Variants in PKIB observed in about 807,000 individuals in gnomAD.
The protein encoded by PKIB is cAMP-dependent protein kinase inhibitor beta.
In PKIB, 2 loss-of-function variants were observed where a neutral mutation model predicts 4.5. That is an observed-to-expected ratio of 0.44 (90% CI 0.18 to 1.39). PKIB has a LOEUF of 1.39. Among genes scored for constraint, PKIB ranks in the 40% most tolerant of loss-of-function variants. PKIB has a pLI of 0.27. For missense variants in PKIB, 94 were observed against 92.6 expected, an observed-to-expected ratio of 1.02 and a Z score of -0.06; for synonymous variants, 38 against 36.0, an observed-to-expected ratio of 1.06 and a Z score of -0.20.
chr6:122,483,545 T>G (rs1417237702), intron 2 of PKIB: 1 of 152,206 alleles, frequency 6.6e-6, no homozygotes, highest in Non-Finnish European at 1.5e-5. Flanking sequence ...CAAAAGTTTA[T>G]TAACATATGC....
intron 2 of PKIB, among the ~76,000 whole-genome samples, chr6:122,667,203 A>G (rs187317472): frequency 6.6e-6 from 1 of 152,232 alleles, no homozygotes; most frequent in East Asian, 1.9e-4. Flanking sequence ...TTTTATAATT[A>G]ACATCAAAAT....
At chr6:122,588,175 TA>T (rs1773908658) in intron 3 of PKIB, among the ~76,000 whole-genome samples, 1 of 152,210 alleles carries the variant, frequency 6.6e-6, no homozygotes, top group South Asian at 2.1e-4. Context: ...TTTAAGTCTT[TA>T]ATCCATCTTG....
intron 2 of PKIB, among the ~76,000 whole-genome samples, chr6:122,639,774 G>T (rs1776056448): frequency 6.6e-6 from 1 of 152,178 alleles, no homozygotes; most frequent in Non-Finnish European, 1.5e-5. Context: ...GCTTAATCAA[G>T]GGAAAGGCTT....
chr6:122,531,128 T>C (rs1777242979), intron 2 of PKIB: 1 of 152,192 alleles, frequency 6.6e-6, no homozygotes, highest in African/African-American at 2.4e-5. Flanking sequence ...AGGCTGAACA[T>C]TGTAAGGGAG....
chr6:122,707,617 T>C (rs1323883208), intron 3 of PKIB, among the ~76,000 whole-genome samples: 1 of 152,172 alleles, frequency 6.6e-6, no homozygotes, highest in African/African-American at 2.4e-5. Flanking sequence ...ATATTTTACA[T>C]AGTTGGTATA....
chr6:122,576,710 A>ATATATATG (rs59569106), intron 2 of PKIB, among the ~76,000 whole-genome samples: 1 of 110,034 alleles, frequency 9.1e-6, no homozygotes, highest in South Asian at 2.7e-4. Flanking sequence ...ATATATATAT[A>ATATATATG]TTTTCTTTTG....
At chr6:122,624,739 G>A (rs1463723763) in intron 1 of PKIB, among the ~76,000 whole-genome samples, 1 of 152,150 alleles carries the variant, frequency 6.6e-6, no homozygotes, top group South Asian at 2.1e-4. Flanking sequence ...AGCTGAATTT[G>A]AATCCCAGCT....
chr6:122,691,444 C>T (rs1407548164), intron 3 of PKIB, among the ~76,000 whole-genome samples: 2 of 152,050 alleles, frequency 1.3e-5, no homozygotes, highest in Non-Finnish European at 2.9e-5. Context: ...CTAATTCTTT[C>T]TCTGCTGTAT....
At chr6:122,576,978 T>G (rs1330927828) in intron 2 of PKIB, among the ~76,000 whole-genome samples, 1 of 152,030 alleles carries the variant, frequency 6.6e-6, no homozygotes, top group Non-Finnish European at 1.5e-5. Flanking sequence ...TCTCTAGCAT[T>G]CATACATTTC....
At chr6:122,615,623 A>G (rs1774949854) in intron 1 of PKIB, among the ~76,000 whole-genome samples, 1 of 152,156 alleles carries the variant, frequency 6.6e-6, no homozygotes, top group Non-Finnish European at 1.5e-5. Context: ...TAGGATCACT[A>G]CATATGCAAT....
At chr6:122,674,574 C>T (rs1777596032) in intron 2 of PKIB, among the ~76,000 whole-genome samples, 1 of 152,088 alleles carries the variant, frequency 6.6e-6, no homozygotes. Flanking sequence ...GGTTCGATTC[C>T]TTTGACATGA....
At chr6:122,498,940 T>C (rs539745476) in intron 2 of PKIB, among the ~76,000 whole-genome samples, 18 of 152,284 alleles carry the variant, frequency 1.2e-4, no homozygotes, top group African/African-American at 4.3e-4. Flanking sequence ...AACACCTCTA[T>C]GTATACAAAT....
chr6:122,487,997 C>T (rs1775818484), intron 2 of PKIB, among the ~76,000 whole-genome samples: 1 of 152,058 alleles, frequency 6.6e-6, no homozygotes, highest in Non-Finnish European at 1.5e-5. Flanking sequence ...GTTTCTGTTT[C>T]TCTCTTTAGT....
chr6:122,711,133 GCA>G (rs35051624), intron 3 of PKIB, among the ~76,000 whole-genome samples: 4 of 151,526 alleles, frequency 2.6e-5, no homozygotes, highest in African/African-American at 4.9e-5. Flanking sequence ...AATATACATA[GCA>G]CACACACACA....
At chr6:122,626,936 T>G (rs1775469922) in intron 1 of PKIB, among the ~76,000 whole-genome samples, 1 of 152,154 alleles carries the variant, frequency 6.6e-6, no homozygotes, top group South Asian at 2.1e-4. Context: ...TTCTAAACTC[T>G]GAGTAACAAT....
At chr6:122,681,388 CT>C (rs1490380058) in intron 3 of PKIB, among the ~76,000 whole-genome samples, 1 of 152,088 alleles carries the variant, frequency 6.6e-6, no homozygotes, top group Non-Finnish European at 1.5e-5. Flanking sequence ...TGGTAAATTA[CT>C]TTTTAGAATT....
At chr6:122,603,246 G>A (rs1025305950) in intron 3 of PKIB, among the ~76,000 whole-genome samples, 16 of 151,994 alleles carry the variant, frequency 1.1e-4, no homozygotes, top group African/African-American at 3.9e-4. Context: ...TATCTAATAC[G>A]AATAACATAA....
At chr6:122,603,319 T>C (rs997912146) in intron 3 of PKIB, among the ~76,000 whole-genome samples, 1 of 152,170 alleles carries the variant, frequency 6.6e-6, no homozygotes, top group African/African-American at 2.4e-5. Flanking sequence ...TTTAATAAGA[T>C]AAGGCATGAG....
intron 2 of PKIB, among the ~76,000 whole-genome samples, chr6:122,653,418 C>A (rs925865338): frequency 6.6e-6 from 1 of 151,900 alleles, no homozygotes. Flanking sequence ...TGTGTTCTGG[C>A]GACCAAGAGG....
Sources: gnomAD v4.1 joint callset for allele counts (sites outside exome capture counted in the v4.1 genomes callset) on GRCh38, gnomAD v4.1.1 for gene constraint, MANE v1.5 for transcripts, NCBI Gene and HGNC (gene_info 2026-07-23, HGNC 2026-07-21) for gene names.